The following MAGI2 variants were observed in gnomAD, a reference collection of about 807,000 sequenced individuals.
The protein encoded by MAGI2 is membrane-associated guanylate kinase, WW and PDZ domain-containing protein 2.
A neutral mutation model predicts 133.3 loss-of-function variants in MAGI2; 35 were observed. The observed-to-expected ratio is 0.26, with a 90% confidence interval of 0.20 to 0.35. The LOEUF is 0.35. Among genes scored for constraint, MAGI2 ranks in the 10% least tolerant of loss-of-function variants. The probability of loss-of-function intolerance (pLI) is 1.00; values close to 1 mark genes in which losing one functional copy is unlikely to be tolerated. For synonymous variants in MAGI2, 729 were observed against 710.6 expected, an observed-to-expected ratio of 1.03 and a Z score of -0.41; for missense variants, 1,636 against 1,863.4, an observed-to-expected ratio of 0.88 and a Z score of 2.25.
chr7:79,400,879 A>T (rs1302834182), intron 1 of MAGI2, among the ~76,000 whole-genome samples: 1 of 152,066 alleles, frequency 6.6e-6, no homozygotes, highest in East Asian at 1.9e-4. Context: ...TTTTTAGAAG[A>T]GCCTGCCTCA....
intron 1 of MAGI2, among the ~76,000 whole-genome samples, chr7:79,176,058 T>C (rs1826066243): frequency 6.6e-6 from 1 of 152,056 alleles, no homozygotes; most frequent in Non-Finnish European, 1.5e-5. Context: ...GTTAAACATG[T>C]TAATGAATTA....
chr7:78,615,160 T>C (rs555356812), intron 3 of MAGI2: 3 of 152,296 alleles, frequency 2.0e-5, no homozygotes, highest in Middle Eastern at 3.4e-3. Flanking sequence ...TACACCATTA[T>C]ACACATTTTC....
intron 3 of MAGI2, 119 bp from the exon 4 acceptor site, chr7:78,521,764 A>G: frequency 1.4e-6 from 1 of 702,090 alleles, no homozygotes; most frequent in Admixed American, 2.6e-5. Flanking sequence ...ACATACATAG[A>G]CACATACATA....
chr7:79,014,953 T>G (rs1386123409), intron 1 of MAGI2, among the ~76,000 whole-genome samples: 2 of 152,200 alleles, frequency 1.3e-5, no homozygotes. Flanking sequence ...AAGTCCAATT[T>G]AAGAATGCAT....
At chr7:78,472,243 A>T in intron 6 of MAGI2, among the ~76,000 whole-genome samples, 1 of 152,136 alleles carries the variant, frequency 6.6e-6, no homozygotes, top group Admixed American at 6.6e-5. Flanking sequence ...TTAATGTCTT[A>T]AAACTGCTAT....
intron 16 of MAGI2, among the ~76,000 whole-genome samples, chr7:78,148,179 C>T (rs1193344881): frequency 2.0e-5 from 3 of 152,102 alleles, no homozygotes; most frequent in Non-Finnish European, 2.9e-5. Flanking sequence ...AACTATGGTG[C>T]GTCTATACAA....
chr7:78,073,092 CT>C (rs1814885780), intron 21 of MAGI2: 1 of 396,320 alleles, frequency 2.5e-6, no homozygotes, highest in Admixed American at 4.4e-5. Context: ...TAAAGGAAGA[CT>C]TTTAACTAAA....
intron 6 of MAGI2, among the ~76,000 whole-genome samples, chr7:78,444,656 T>G (rs1787954327): frequency 1.3e-5 from 2 of 151,962 alleles, no homozygotes; most frequent in Admixed American, 6.6e-5. Flanking sequence ...CATAATATGA[T>G]CCTGATGTCA....
intron 7 of MAGI2, among the ~76,000 whole-genome samples, chr7:78,346,411 C>T (rs1224827997): frequency 6.6e-6 from 1 of 152,150 alleles, no homozygotes; most frequent in Non-Finnish European, 1.5e-5. Context: ...AAGAAAAGAG[C>T]ATCACCTGAG....
At position 78,312,537 on chromosome 7, in the gene MAGI2, A is replaced by G. The variant is rs1798798067; in HGVS notation, c.1408+31241T>C. On this transcript the variant is annotated intron_variant, in intron 9 of 21. Transcript: ENST00000354212. ...ACTCAAACAACTCCACAAGAAAAAAATAAATAGCCCCATAAAGACGAGAAT... is the reference window on the plus strand; with the variant it reads ...ACTCAAACAACTCCACAAGAAAAAAGTAAATAGCCCCATAAAGACGAGAAT... Among the ~76,000 whole-genome samples, 2 of 152,214 alleles carry G rather than the reference A, an allele frequency of 1.3e-5. 1 individual carries two copies. Among genetic ancestry groups the G allele is most frequent in the Admixed American group, 1.3e-4 (2 of 15,278 alleles).
chr7:78,818,258 T>C (rs968938184), intron 2 of MAGI2, among the ~76,000 whole-genome samples: 2 of 152,196 alleles, frequency 1.3e-5, no homozygotes, highest in African/African-American at 4.8e-5. Flanking sequence ...CAGAAGCTTC[T>C]GTTTGAAATT....
chr7:78,791,083 G>A (rs1181950425), intron 2 of MAGI2, among the ~76,000 whole-genome samples: 1 of 152,098 alleles, frequency 6.6e-6, no homozygotes, highest in Non-Finnish European at 1.5e-5. Context: ...AAGCAAAAAT[G>A]GTATGTTGAG....
At chr7:78,814,215 C>G (rs145964112) in intron 2 of MAGI2, among the ~76,000 whole-genome samples, 2 of 152,222 alleles carry the variant, frequency 1.3e-5, no homozygotes, top group Non-Finnish European at 2.9e-5. Context: ...GGAGTTTATG[C>G]CTTTGTGTTT....
At chr7:79,160,445 T>TCG (rs1484277383) in intron 1 of MAGI2, among the ~76,000 whole-genome samples, 4 of 152,076 alleles carry the variant, frequency 2.6e-5, no homozygotes, top group African/African-American at 9.7e-5. Flanking sequence ...AATGGTATAA[T>TCG]ATAAAGGAAT....
intron 2 of MAGI2, among the ~76,000 whole-genome samples, chr7:78,887,770 C>T (rs533493347): frequency 6.6e-5 from 10 of 152,344 alleles, no homozygotes; most frequent in South Asian, 4.1e-4. Context: ...TGGCCGAATA[C>T]GAACAGCACC....
chr7:78,655,122 C>A (rs930663371), intron 2 of MAGI2, among the ~76,000 whole-genome samples: 3 of 151,308 alleles, frequency 2.0e-5, no homozygotes, highest in African/African-American at 7.3e-5. Flanking sequence ...ACTCTGTGCC[C>A]ACAAAAATTA....
At chr7:78,523,332 T>C (rs1202969097) in intron 3 of MAGI2, among the ~76,000 whole-genome samples, 1 of 151,746 alleles carries the variant, frequency 6.6e-6, no homozygotes, top group Non-Finnish European at 1.5e-5. Context: ...AGATGGCTAG[T>C]TGAGAGATAA....
chr7:78,834,318 C>CA (rs764939563), intron 2 of MAGI2, among the ~76,000 whole-genome samples: 1 of 152,138 alleles, frequency 6.6e-6, no homozygotes, highest in Non-Finnish European at 1.5e-5. Flanking sequence ...CTTCACCCCG[C>CA]AAAAAGAAAC....
chr7:78,226,320 T>TAA (rs5885045), intron 10 of MAGI2, among the ~76,000 whole-genome samples: 4 of 141,848 alleles, frequency 2.8e-5, no homozygotes, highest in African/African-American at 8.0e-5. Flanking sequence ...TACAAATGTT[T>TAA]AAAAAAAAAA....
Sources: gnomAD v4.1 joint callset for allele counts (sites outside exome capture counted in the v4.1 genomes callset) on GRCh38, gnomAD v4.1.1 for gene constraint, MANE v1.5 for transcripts, NCBI Gene and HGNC (gene_info 2026-07-23, HGNC 2026-07-21) for gene names.